SNTG1: variants seen among roughly 807,000 people sequenced by gnomAD.
SNTG1 encodes syntrophin gamma 1.
Under a neutral mutation model 74.7 loss-of-function variants are expected in SNTG1, and 39 were observed. That is an observed-to-expected ratio of 0.52 (90% CI 0.40 to 0.68). SNTG1 has a LOEUF of 0.68. Among genes scored for constraint, SNTG1 ranks in the 30% least tolerant of loss-of-function variants. The probability of loss-of-function intolerance (pLI) is 0.00; values close to 1 mark genes in which losing one functional copy is unlikely to be tolerated. For missense variants in SNTG1, 685 were observed against 609.5 expected (o/e 1.12, Z -1.30); for synonymous variants, 254 against 217.1 (o/e 1.17, Z -1.49).
chr8:50,689,630 T>A (rs1477605884), intron 15 of SNTG1, among the ~76,000 whole-genome samples: 3 of 152,210 alleles, frequency 2.0e-5, no homozygotes, highest in Non-Finnish European at 4.4e-5. Context: ...CTGTTTGATG[T>A]GCTGCTGGAT....
Position 50,115,576 on chromosome 8 carries a change from A to AAAAAAAAAAC in SNTG1, c.-102-56976_-102-56975insCAAAAAAAAA, listed in dbSNP as rs1554580676. On this transcript the variant is annotated intron_variant, in intron 1 of 18. Transcript: ENST00000642720. Reference sequence around the variant, plus strand: ...GAGCGAGACTCTGTCTCAAAAAAAAAAAAAAAAAAAACGAGATGGTTGAAG... The same window carrying AAAAAAAAAAC: ...GAGCGAGACTCTGTCTCAAAAAAAAAAAAAAAAAACAAAAAAAAAAACGAGATGGTTGAAG... 4.5e-4 allele frequency among the ~76,000 whole-genome samples: 37 copies of AAAAAAAAAAC among 82,884 alleles called. 2 individuals carry two copies. The highest frequency in any genetic ancestry group is 2.8e-3 in the East Asian group (4 of 1,426). 54.4% of individuals were successfully genotyped at this position (82,884 alleles called of 152,430 possible). A position where few individuals can be genotyped will look rare whatever the true frequency, so the allele number is the denominator to read the frequency against.
chr8:50,585,078 A>G (rs2094638991), intron 12 of SNTG1, among the ~76,000 whole-genome samples: 1 of 152,212 alleles, frequency 6.6e-6, no homozygotes, highest in African/African-American at 2.4e-5. Flanking sequence ...TACCTGAAAC[A>G]AGAACACAAG....
At chr8:50,744,245 C>A (rs964976910) in intron 17 of SNTG1, among the ~76,000 whole-genome samples, 1 of 151,948 alleles carries the variant, frequency 6.6e-6, no homozygotes, top group Admixed American at 6.6e-5. Context: ...TCACAGTATA[C>A]AAAATCAACA....
intron 2 of SNTG1, among the ~76,000 whole-genome samples, chr8:50,343,681 AT>A: frequency 6.6e-6 from 1 of 152,222 alleles, no homozygotes; most frequent in Non-Finnish European, 1.5e-5. Flanking sequence ...TGCATCAGAA[AT>A]TACATTAATC....
At position 50,373,052 on chromosome 8, in the gene SNTG1, C is replaced by G. The variant is rs77282182; in HGVS notation, c.-27-21160C>G. ...CATGTATATAACTGCATTTTACCCA[C>G]TGACTAAAGAAATTATCTACAGAGA... On this transcript the variant is annotated intron_variant, in intron 2 of 18. Transcript: ENST00000642720. 1.1e-3 allele frequency among the ~76,000 whole-genome samples: 162 copies of G among 152,254 alleles called. 2 individuals carry two copies. The East Asian group carries it at 0.028, about 26-fold the overall frequency.
intron 1 of SNTG1, among the ~76,000 whole-genome samples, chr8:49,966,919 G>T (rs574769021): frequency 1.7e-4 from 26 of 152,026 alleles, no homozygotes; most frequent in Non-Finnish European, 3.1e-4. Flanking sequence ...AATGCAAATA[G>T]ATGTTTATGT....
chr8:50,108,617 AC>A (rs1261790754), intron 1 of SNTG1, among the ~76,000 whole-genome samples: 12 of 152,200 alleles, frequency 7.9e-5, no homozygotes, highest in Admixed American at 7.9e-4. Context: ...AACAATAACA[AC>A]AAAAATGATT....
chr8:50,677,169 T>C lies in SNTG1; in HGVS notation c.1038+18506T>C, dbSNP rs117201776. Among the ~76,000 whole-genome samples, 597 of 152,108 alleles carry C rather than the reference T, an allele frequency of 3.9e-3. 1 individual carries two copies. Among genetic ancestry groups the C allele is most frequent in the Non-Finnish European group, 7.1e-3 (482 of 67,924 alleles). The stretch of plus-strand genomic sequence containing the variant: ...GCTGAGTCAGAAGATAATCCAAATA[T>C]ACTGAAAATAAGCACTGGAAAAGCA... On this transcript the variant is annotated intron_variant, in intron 15 of 18. Coordinates refer to ENST00000642720, the MANE Select transcript of SNTG1 (RefSeq NM_018967.5).
rs957949976 is a variant in SNTG1, at chr8:50,402,247, A to G, written c.65A>G (p.Gln22Arg). Residue 22 changes from glutamine (Q) to arginine (R), a missense_variant, in exon 4 of 19, where the codon CAG (glutamine) becomes CGG (arginine). By Grantham distance (43) the Gln-to-Arg change is conservative. Transcript: ENST00000642720. ...TGICLLQDGN[Q>R]EPFKVRLHLA... ...ATTTGTTTGCTGCAGGATGGTAACC[A>G]GGAGCCTTTCAAAGTGCGGCTGCAC... 4 of 1,612,018 alleles carry G rather than the reference A, an allele frequency of 2.5e-6. No homozygotes were observed. Among genetic ancestry groups the G allele is most frequent in the Non-Finnish European group, 3.4e-6 (4 of 1,179,544 alleles).
In SNTG1 at chr8:49,951,125, C is replaced by T. The variant is rs192456416; in HGVS notation, c.-103+38894C>T. 4.9e-3 allele frequency among the ~76,000 whole-genome samples: 748 copies of T among 152,190 alleles called. 3 individuals carry two copies. The highest frequency in any genetic ancestry group is 7.3e-3 in the Non-Finnish European group (494 of 68,010). ...AAATTGAGACTAAGAAAGATTATAT[C>T]TTTACTCTGACTTTATGCAGATAGT... On this transcript the variant is annotated intron_variant, in intron 1 of 18. Transcript: ENST00000642720.
chr8:50,660,758 A>T (rs529507553), intron 15 of SNTG1, among the ~76,000 whole-genome samples: 1 of 152,306 alleles, frequency 6.6e-6, no homozygotes, highest in East Asian at 1.9e-4. Flanking sequence ...ATAGTAGTTA[A>T]AAAGGATAAT....
At chr8:50,743,357 T>A (rs933776346) in intron 17 of SNTG1, among the ~76,000 whole-genome samples, 9 of 151,860 alleles carry the variant, frequency 5.9e-5, no homozygotes, top group Admixed American at 5.3e-4. Flanking sequence ...TATATGTAAA[T>A]CAATCAATGT....
chr8:50,382,107 C>G (rs2092497800), intron 2 of SNTG1: 1 of 151,784 alleles, frequency 6.6e-6, no homozygotes, highest in Admixed American at 6.6e-5. Flanking sequence ...GGTGCCCACC[C>G]AGATTAAGGG....
intron 2 of SNTG1, among the ~76,000 whole-genome samples, chr8:50,337,386 C>G (rs1179761898): frequency 6.6e-6 from 1 of 152,164 alleles, no homozygotes; most frequent in Non-Finnish European, 1.5e-5. Context: ...AGAGGTCAAG[C>G]CTCAAGGGGA....
At chr8:50,165,920 G>A (rs557164818) in intron 1 of SNTG1, among the ~76,000 whole-genome samples, 1 of 150,458 alleles carries the variant, frequency 6.6e-6, no homozygotes, top group Non-Finnish European at 1.5e-5. Context: ...TACCAAAACA[G>A]AGATATAGAT....
rs1461192201 is a variant in SNTG1 at position 50,553,084 on chromosome 8, G to T, written c.715G>T (p.Val239Phe). 1.9e-6 allele frequency: 3 copies of T among 1,613,808 alleles called. No homozygotes were observed. In the Admixed American group the frequency reaches 5.0e-5, roughly 27 times the overall value. Residue 239 changes from valine (V) to phenylalanine (F), a missense_variant, in exon 12 of 19, where the codon GTC (valine) becomes TTC (phenylalanine). By Grantham distance (50) the Val-to-Phe change is conservative. Coordinates refer to ENST00000642720, the MANE Select transcript of SNTG1 (RefSeq NM_018967.5). ...CTTTCAAGTCATTGCTGTGGATGGG[G>T]TCTGCACTGGGATTATTCAGTGCCT... The part of the protein sequence containing the change: ...NAFQVIAVDG[V>F]CTGIIQCLSA...
intron 1 of SNTG1, among the ~76,000 whole-genome samples, chr8:50,141,743 A>C (rs1335931287): frequency 6.6e-6 from 1 of 152,152 alleles, no homozygotes. Flanking sequence ...ATGTTGTATA[A>C]ATGTTCTACT....
At position 50,402,268 on chromosome 8, in the gene SNTG1, T is replaced by C; in HGVS notation, c.86T>C (p.Leu29Pro). ...AACCAGGAGCCTTTCAAAGTGCGGC[T>C]GCACCTAGCCAAAGACATTTTGATG... ...DGNQEPFKVRLHLAKDILMIQ... is the reference protein window; with the variant it reads ...DGNQEPFKVRPHLAKDILMIQ... The change falls in exon 4 of 19, where the codon CTG becomes CCG. Residue 29 changes from leucine to proline, a missense_variant. Physicochemically the swap from Leu to Pro is moderately conservative, Grantham distance 98. Transcript: ENST00000642720. 1 of 1,613,870 alleles carries C rather than the reference T, an allele frequency of 6.2e-7. No homozygotes were observed. Among genetic ancestry groups the C allele is most frequent in the Non-Finnish European group, 8.5e-7 (1 of 1,179,936 alleles).
chr8:50,647,257 T>C lies in SNTG1; in HGVS notation c.850-9652T>C, dbSNP rs543682846. 1.3e-4 allele frequency among the ~76,000 whole-genome samples: 20 copies of C among 151,982 alleles called. 1 individual carries two copies. The highest frequency in any genetic ancestry group is 4.8e-4 in the African/African-American group (20 of 41,424). On this transcript the variant is annotated intron_variant, in intron 13 of 18. Transcript: ENST00000642720. ...ATCATCTGCTCTATGAATAATAGGG[T>C]CATGAACATGAGAATACAGGCTACA...
Sources: gnomAD v4.1 joint callset for allele counts (sites outside exome capture counted in the v4.1 genomes callset) on GRCh38, gnomAD v4.1.1 for gene constraint, MANE v1.5 for transcripts, NCBI Gene and HGNC (gene_info 2026-07-23, HGNC 2026-07-21) for gene names.